SDK1: variants seen among roughly 807,000 people sequenced by gnomAD.
SDK1 encodes the protein protein sidekick-1.
Under a neutral mutation model 245.5 loss-of-function variants are expected in SDK1, and 157 were observed. The ratio of observed to expected loss-of-function variants is 0.64; its 90% CI spans 0.56 to 0.73. The LOEUF is 0.73. SDK1 is among the 30% of genes least tolerant of loss of function. SDK1 has a pLI of 0.00. For missense variants in SDK1, 3,583 were observed against 3,002.3 expected (o/e 1.19, Z -4.52); for synonymous variants, 1,647 against 1,278.5 (o/e 1.29, Z -6.15).
intron 5 of SDK1, among the ~76,000 whole-genome samples, chr7:3,861,546 A>C (rs1017095251): frequency 2.0e-5 from 3 of 152,166 alleles, no homozygotes; most frequent in African/African-American, 7.2e-5. Flanking sequence ...TTGAACACAA[A>C]TGGGAGAAAG....
chr7:3,898,410 T>C (rs1014188859), intron 5 of SDK1, among the ~76,000 whole-genome samples: 1 of 152,330 alleles, frequency 6.6e-6, no homozygotes, highest in East Asian at 1.9e-4. Flanking sequence ...TCCCAAAGAT[T>C]CTAACTAGCT....
chr7:4,114,410 C>A, intron 25 of SDK1, 136 bp downstream of exon 25: 2 of 700,230 alleles, frequency 2.9e-6, no homozygotes, highest in Non-Finnish European at 4.7e-6. Flanking sequence ...TTTCCTAATC[C>A]CGGGTTTGGC....
At chr7:3,847,589 G>A (rs1441190056) in intron 5 of SDK1, among the ~76,000 whole-genome samples, 2 of 152,172 alleles carry the variant, frequency 1.3e-5, no homozygotes, top group Non-Finnish European at 2.9e-5. Flanking sequence ...CTTTGTTGAC[G>A]CTGTCATGCT....
At chr7:3,872,344 C>A (rs1780977267) in intron 5 of SDK1, among the ~76,000 whole-genome samples, 2 of 152,166 alleles carry the variant, frequency 1.3e-5, no homozygotes, top group South Asian at 4.1e-4. Context: ...CTTTTATTTT[C>A]TGTAAGATAT....
chr7:3,605,301 C>G (rs1781385935), intron 1 of SDK1, among the ~76,000 whole-genome samples: 1 of 152,212 alleles, frequency 6.6e-6, no homozygotes, highest in Non-Finnish European at 1.5e-5. Flanking sequence ...ATAATTCTAT[C>G]TGTAAGGAGA....
intron 38 of SDK1, among the ~76,000 whole-genome samples, chr7:4,217,401 C>G (rs1253800926): frequency 7.2e-6 from 1 of 137,938 alleles, no homozygotes; most frequent in Non-Finnish European, 1.5e-5. Context: ...CCACACCACC[C>G]GGAGCACCAG....
chr7:4,074,884 C>CTCTCTCTCTCTCTCTCTCTCTG (rs1377225405), intron 20 of SDK1, among the ~76,000 whole-genome samples: 4 of 62,456 alleles, frequency 6.4e-5, no homozygotes, highest in African/African-American at 4.9e-4. Context: ...CTCTCTCTCT[C>CTCTCTCTCTCTCTCTCTCTCTG]TGTATATATA....
chr7:3,584,806 C>G (rs1256610503), intron 1 of SDK1, among the ~76,000 whole-genome samples: 2 of 151,586 alleles, frequency 1.3e-5, no homozygotes, highest in Non-Finnish European at 2.9e-5. Context: ...TCACTTCAAG[C>G]TCCGCCTCCC....
At chr7:3,678,049 G>C (rs989232723) in intron 4 of SDK1, among the ~76,000 whole-genome samples, 2 of 152,188 alleles carry the variant, frequency 1.3e-5, no homozygotes, top group African/African-American at 4.8e-5. Context: ...ACCACAGCAG[G>C]TCATGACATT....
chr7:4,239,202 C>G (rs770036962), intron 42 of SDK1, among the ~76,000 whole-genome samples: 13 of 152,166 alleles, frequency 8.5e-5, no homozygotes, highest in Non-Finnish European at 1.2e-4. Flanking sequence ...GTAAAGCCAG[C>G]CACAGAGAGC....
At chr7:4,110,796 T>C in intron 23 of SDK1, 24 bp downstream of exon 23, 2 of 1,545,136 alleles carry the variant, frequency 1.3e-6, no homozygotes, top group Non-Finnish European at 1.8e-6. Context: ...TGATAAGCTG[T>C]TACAGGAGGA....
At chr7:3,703,000 G>A (rs1174074675) in intron 4 of SDK1, among the ~76,000 whole-genome samples, 1 of 149,094 alleles carries the variant, frequency 6.7e-6, no homozygotes, top group East Asian at 2.0e-4. Flanking sequence ...ATAAATTGGT[G>A]CATCTAGAAA....
chr7:3,651,216 G>A (rs960841579), intron 4 of SDK1, among the ~76,000 whole-genome samples: 13 of 150,768 alleles, frequency 8.6e-5, no homozygotes, highest in East Asian at 3.9e-4. Context: ...GAATGATTGC[G>A]TTTCCCTGCT....
intron 30 of SDK1, among the ~76,000 whole-genome samples, chr7:4,157,347 A>G (rs111853434): frequency 1.2e-4 from 13 of 108,986 alleles, no homozygotes; most frequent in African/African-American, 2.9e-4. Context: ...GAAGGGAAGA[A>G]GGAAGGAAAG....
chr7:4,213,259 A>C (rs1238772485), intron 38 of SDK1, among the ~76,000 whole-genome samples: 1 of 152,070 alleles, frequency 6.6e-6, no homozygotes, highest in Non-Finnish European at 1.5e-5. Flanking sequence ...TAAAAATACA[A>C]AAAATTAGCT....
chr7:3,383,126 T>C (rs1302427370), intron 1 of SDK1, among the ~76,000 whole-genome samples: 1 of 152,166 alleles, frequency 6.6e-6, no homozygotes, highest in Non-Finnish European at 1.5e-5. Context: ...AGAAATGGGA[T>C]GAAAGCTGAG....
intron 1 of SDK1, among the ~76,000 whole-genome samples, chr7:3,328,105 T>G (rs1337345108): frequency 6.6e-6 from 1 of 152,154 alleles, no homozygotes; most frequent in East Asian, 1.9e-4. Flanking sequence ...CTGTGTGTGT[T>G]TAACTTTCTG....
At chr7:3,413,086 T>G (rs1390682414) in intron 1 of SDK1, among the ~76,000 whole-genome samples, 2 of 151,514 alleles carry the variant, frequency 1.3e-5, no homozygotes, top group South Asian at 2.1e-4. Context: ...TTAGAAGGAG[T>G]ATACTGGTTA....
At chr7:3,785,362 C>T (rs909722251) in intron 4 of SDK1, among the ~76,000 whole-genome samples, 8 of 152,030 alleles carry the variant, frequency 5.3e-5, no homozygotes, top group African/African-American at 1.9e-4. Context: ...CCATAAGAAT[C>T]ATTAAATATG....
Sources: gnomAD v4.1 joint callset for allele counts (sites outside exome capture counted in the v4.1 genomes callset) on GRCh38, gnomAD v4.1.1 for gene constraint, MANE v1.5 for transcripts, NCBI Gene and HGNC (gene_info 2026-07-23, HGNC 2026-07-21) for gene names.